TTLL2: variants seen among roughly 807,000 people sequenced by gnomAD.
TTLL2 encodes probable tubulin polyglutamylase TTLL2.
A neutral mutation model predicts 7.5 loss-of-function variants in TTLL2; 10 were observed. The observed-to-expected ratio is 1.33, with a 90% confidence interval of 0.82 to 2.25. The LOEUF is 2.25. Ranked by LOEUF, TTLL2 falls within the 30% of genes most tolerant of loss-of-function variation. The pLI, the probability that TTLL2 is intolerant of heterozygous loss-of-function variation, is 0.00. For synonymous variants in TTLL2, 284 were observed against 280.3 expected, an observed-to-expected ratio of 1.01 and a Z score of -0.13; for missense variants, 733 against 735.7, an observed-to-expected ratio of 1.00 and a Z score of 0.04.
chr6:167,326,493 C>A (rs1236621112), intron 1 of TTLL2, among the ~76,000 whole-genome samples: 1 of 152,048 alleles, frequency 6.6e-6, no homozygotes, highest in Non-Finnish European at 1.5e-5. Flanking sequence ...GGACCATTTA[C>A]AGGCCAAGTG....
intron 1 of TTLL2, among the ~76,000 whole-genome samples, chr6:167,336,997 T>G (rs114329840): frequency 0.021 from 3,204 of 152,036 alleles, 124 homozygotes; most frequent in African/African-American, 0.074. Flanking sequence ...ACCCCAGCCC[T>G]CACCCTGGCC....
Position 167,341,929 on chromosome 6 carries a change from C to A in TTLL2, c.*250C>A. The A allele has an allele frequency of 2.1e-6, 1 of 478,394 alleles. No individual in the cohort carries two copies. 29.6% of individuals were successfully genotyped at this position (478,394 alleles called of 1,614,324 possible). ...TGTCTTGAAAGAATTCTACAAATAC[C>A]ACACAGCCTCCCACCAGTAATTGAA... On this transcript the variant is annotated 3_prime_UTR_variant, in exon 3 of 3. Coordinates refer to ENST00000239587, the MANE Select transcript of TTLL2 (RefSeq NM_031949.5).
chr6:167,330,048 G>GT (rs1423225979), intron 1 of TTLL2, among the ~76,000 whole-genome samples: 1 of 152,118 alleles, frequency 6.6e-6, no homozygotes, highest in African/African-American at 2.4e-5. Flanking sequence ...AAAATGTCAG[G>GT]TTTTGTGATG....
chr6:167,327,572 G>C (rs146648206), intron 1 of TTLL2, among the ~76,000 whole-genome samples: 1 of 152,186 alleles, frequency 6.6e-6, no homozygotes, highest in Non-Finnish European at 1.5e-5. Flanking sequence ...GTGCTAAGCC[G>C]TGTGGAACAA....
chr6:167,329,244 C>A (rs889445999), intron 1 of TTLL2, among the ~76,000 whole-genome samples: 1 of 152,116 alleles, frequency 6.6e-6, no homozygotes, highest in African/African-American at 2.4e-5. Flanking sequence ...CAGAAAGTTC[C>A]TTGGTAGTTT....
intron 1 of TTLL2, among the ~76,000 whole-genome samples, chr6:167,337,414 C>T (rs567433211): frequency 2.6e-5 from 4 of 152,252 alleles, no homozygotes; most frequent in East Asian, 3.9e-4. Context: ...CTGTCTCGGA[C>T]GGCGCTCGCT....
intron 1 of TTLL2, among the ~76,000 whole-genome samples, chr6:167,327,059 G>T (rs1259785124): frequency 6.6e-6 from 1 of 152,078 alleles, no homozygotes. Flanking sequence ...AAAAAAGGAG[G>T]GTCTGTAAGA....
chr6:167,332,050 C>A (rs973374724), intron 1 of TTLL2, among the ~76,000 whole-genome samples: 1 of 151,848 alleles, frequency 6.6e-6, no homozygotes, highest in African/African-American at 2.4e-5. Context: ...AAAAGAAAAA[C>A]CTTAGATAAA....
intron 1 of TTLL2, among the ~76,000 whole-genome samples, chr6:167,327,688 A>C (rs949296946): frequency 3.6e-4 from 55 of 152,204 alleles, no homozygotes; most frequent in Middle Eastern, 3.2e-3. Context: ...AAGTGAAGGA[A>C]ACCATATTCG....
chr6:167,326,316 C>A (rs1267091570), intron 1 of TTLL2, among the ~76,000 whole-genome samples: 1 of 152,056 alleles, frequency 6.6e-6, no homozygotes, highest in African/African-American at 2.4e-5. Context: ...TCAAGCAATA[C>A]AAATTTTTAT....
intron 2 of TTLL2, 107 bp from the exon 3 acceptor site, chr6:167,339,998 G>A (rs1456368310): frequency 1.6e-6 from 2 of 1,238,830 alleles, no homozygotes; most frequent in South Asian, 1.5e-5. Context: ...GTGGGAGGGT[G>A]GACACACAGG....
chr6:167,329,979 A>G (rs557727902), intron 1 of TTLL2, among the ~76,000 whole-genome samples: 29 of 152,302 alleles, frequency 1.9e-4, no homozygotes, highest in Admixed American at 4.6e-4. Flanking sequence ...ACACATGTAC[A>G]TGCAGCACAC....
At chr6:167,328,680 G>A (rs1397407711) in intron 1 of TTLL2, among the ~76,000 whole-genome samples, 1 of 152,170 alleles carries the variant, frequency 6.6e-6, no homozygotes, top group Non-Finnish European at 1.5e-5. Flanking sequence ...GACCTTAGAA[G>A]TTTTCAGCGG....
chr6:167,342,645 T>G lies in TTLL2; in HGVS notation c.*966T>G, dbSNP rs914707100. Among the ~76,000 whole-genome samples the G allele has an allele frequency of 6.6e-6, 1 of 152,068 alleles. No homozygotes were observed. The highest frequency in any genetic ancestry group is 2.4e-5 in the African/African-American group (1 of 41,366). ...CACTAAGTATCACTCATGGTACATT[T>G]TGTGTTATGTGTGTTTTACCACAAT... is the stretch of plus-strand genomic sequence containing the variant. On this transcript the variant is annotated 3_prime_UTR_variant, in exon 3 of 3. Transcript: ENST00000239587.
Position 167,340,517 on chromosome 6 carries a change from A to G in TTLL2, c.617A>G (p.His206Arg), listed in dbSNP as rs1339978395. 6.2e-7 allele frequency: 1 copy of G among 1,614,188 alleles called. No homozygotes were observed. The highest frequency in any genetic ancestry group is 8.5e-7 in the Non-Finnish European group (1 of 1,180,038). Residue 206 changes from histidine (H) to arginine (R), a missense_variant, in exon 3 of 3, where the codon CAT becomes CGT. Physicochemically the swap from His to Arg is conservative, Grantham distance 29 (BLOSUM62 0). Transcript: ENST00000239587. ...GAGAGGCAGATGCTGGGCACCAAGC[A>G]TAGCTATTGGATTTGCAAGCCTGCT... is the stretch of plus-strand genomic sequence containing the variant. ...FQERQMLGTK[H>R]SYWICKPAEL...
intron 1 of TTLL2, among the ~76,000 whole-genome samples, chr6:167,331,165 A>G (rs1443519650): frequency 6.6e-6 from 1 of 152,148 alleles, no homozygotes; most frequent in African/African-American, 2.4e-5. Context: ...ATTGGGTACT[A>G]GTGAAGTTTT....
Position 167,325,285 on chromosome 6 carries a change from AG to A in TTLL2, c.47+66del, listed in dbSNP as rs2115204581. On this transcript the variant is annotated intron_variant, in intron 1 of 2. Transcript: ENST00000239587. ...CCGATCATGCCTCTGTTCCAGGACC[AG>A]CCCCTTCCCGAGAGCACAGGGGCCA... is the stretch of plus-strand genomic sequence containing the variant. 3 of 1,444,748 alleles carry A rather than the reference AG, an allele frequency of 2.1e-6. No individual in the cohort carries two copies. In the East Asian group the frequency reaches 7.9e-5, roughly 38 times the overall value. 89.5% of individuals were successfully genotyped at this position (1,444,748 alleles called of 1,614,324 possible).
rs1007289461 is a variant in TTLL2, at chr6:167,340,342, C to T, written c.442C>T (p.Pro148Ser). The T allele has an allele frequency of 6.2e-7, 1 of 1,614,158 alleles. No homozygotes were observed. The highest frequency in any genetic ancestry group is 1.7e-5 in the Admixed American group (1 of 60,028). Residue 148 changes from proline to serine, a missense_variant, in exon 3 of 3, where the codon CCT becomes TCT. Pro to Ser is a moderately conservative substitution (Grantham distance 74). Transcript: ENST00000239587. ...ACCGTGGCAGCAGCTAAACCACCAC[C>T]CTGGAACCACCAAGCTTACCAGGAA... is the stretch of plus-strand genomic sequence containing the variant. ...VKPWQQLNHH[P>S]GTTKLTRKDC...
intron 1 of TTLL2, among the ~76,000 whole-genome samples, chr6:167,329,214 C>CA (rs1778888002): frequency 6.6e-6 from 1 of 152,102 alleles, no homozygotes; most frequent in Non-Finnish European, 1.5e-5. Flanking sequence ...AGGTGGAGAT[C>CA]ATGACGTTGC....
Sources: allele counts gnomAD v4.1 joint callset (sites outside exome capture counted in the v4.1 genomes callset), GRCh38; gene constraint gnomAD v4.1.1; transcripts MANE v1.5; gene names NCBI Gene and HGNC (gene_info 2026-07-23, HGNC 2026-07-21).